The following TPRG1 variants were observed in gnomAD, a reference collection of about 807,000 sequenced individuals.
TPRG1 encodes the protein tumor protein p63 regulated 1, also known as tumor protein p63-regulated gene 1 protein.
In TPRG1, 29 loss-of-function variants were observed where a neutral mutation model predicts 29.3. The observed-to-expected ratio is 0.99, with a 90% CI of 0.74 to 1.35. The LOEUF (loss-of-function observed/expected upper bound fraction) is 1.35. TPRG1 is among the 40% of genes most tolerant of loss of function. The probability of loss-of-function intolerance (pLI) is 0.00; values close to 1 mark genes in which losing one functional copy is unlikely to be tolerated. For missense variants in TPRG1, 327 were observed against 335.0 expected, an observed-to-expected ratio of 0.98 and a Z score of 0.19; for synonymous variants, 130 against 116.8, an observed-to-expected ratio of 1.11 and a Z score of -0.73.
Position 189,077,225 on chromosome 3 carries a change from A to G in TPRG1, c.-462-49832A>G, listed in dbSNP as rs1316620265. On this transcript the variant is annotated intron_variant, in intron 4 of 10. Coordinates refer to the TPRG1 transcript ENST00000433971. ...AAATCCACAAAAGATTTAAACAGCA[A>G]TGTTTATGGTATATTATTAATTCAA... Among the ~76,000 whole-genome samples, 3 of 152,278 alleles carry G rather than the reference A, an allele frequency of 2.0e-5. No homozygotes were observed. The East Asian group carries it at 5.8e-4, about 29-fold the overall frequency.
chr3:189,245,513 A>G (rs1362755798), intron 4 of TPRG1, among the ~76,000 whole-genome samples: 17 of 152,090 alleles, frequency 1.1e-4, no homozygotes, highest in Non-Finnish European at 4.4e-5. Context: ...TCAGGTTTTT[A>G]TAGATATCTT....
chr3:189,019,361 C>T (rs1053227436), intron 3 of TPRG1, among the ~76,000 whole-genome samples: 48 of 152,176 alleles, frequency 3.2e-4, no homozygotes, highest in African/African-American at 9.4e-4. Context: ...TGATATTGGC[C>T]GTGGGTTTGT....
chr3:189,182,319 C>T (rs1730334075), intron 1 of TPRG1, among the ~76,000 whole-genome samples: 2 of 152,132 alleles, frequency 1.3e-5, no homozygotes, highest in Non-Finnish European at 2.9e-5. Context: ...AGCAGTAAGT[C>T]AAAGAAGATG....
intron 4 of TPRG1, among the ~76,000 whole-genome samples, chr3:189,029,115 A>G (rs553645506): frequency 3.3e-4 from 50 of 152,158 alleles, no homozygotes; most frequent in Non-Finnish European, 7.1e-4. Context: ...ATAAAAATTG[A>G]GCCTTTTTTT....
intron 3 of TPRG1, among the ~76,000 whole-genome samples, chr3:189,145,926 T>C (rs542051294): frequency 6.6e-6 from 1 of 152,352 alleles, no homozygotes; most frequent in African/African-American, 2.4e-5. Context: ...TATATTGATA[T>C]TATATGTGTC....
At chr3:189,110,598 G>A (rs550999171) in intron 1 of TPRG1, among the ~76,000 whole-genome samples, 1 of 152,054 alleles carries the variant, frequency 6.6e-6, no homozygotes, top group Admixed American at 6.6e-5. Flanking sequence ...TCCTATCTAA[G>A]AACTCTTTGC....
intron 1 of TPRG1, among the ~76,000 whole-genome samples, chr3:189,183,530 G>C (rs998276216): frequency 1.3e-5 from 2 of 152,014 alleles, no homozygotes; most frequent in Admixed American, 1.3e-4. Context: ...TGGGAGACTG[G>C]GGTTTCTTTC....
chr3:189,008,004 A>G (rs1712389198), intron 3 of TPRG1, among the ~76,000 whole-genome samples: 1 of 151,132 alleles, frequency 6.6e-6, no homozygotes, highest in African/African-American at 2.4e-5. Flanking sequence ...ATATGTAACT[A>G]ACCTGCACAA....
At chr3:189,301,428 T>C (rs1218673695) in intron 4 of TPRG1, among the ~76,000 whole-genome samples, 4 of 152,130 alleles carry the variant, frequency 2.6e-5, no homozygotes, top group African/African-American at 9.7e-5. Flanking sequence ...CTTTATAGTA[T>C]GTTTTTGAGA....
intron 3 of TPRG1, among the ~76,000 whole-genome samples, chr3:189,007,482 A>G (rs920408166): frequency 1.3e-5 from 2 of 151,744 alleles, no homozygotes; most frequent in Non-Finnish European, 2.9e-5. Context: ...TGTGGAAGTC[A>G]GTGTGGCGAT....
intron 4 of TPRG1, among the ~76,000 whole-genome samples, chr3:189,085,866 A>C (rs1717902042): frequency 6.6e-6 from 1 of 152,112 alleles, no homozygotes; most frequent in South Asian, 2.1e-4. Context: ...CAATAAAATA[A>C]GAGTCATAAA....
At chr3:189,319,578 A>G (rs1015297974) in intron 5 of TPRG1, among the ~76,000 whole-genome samples, 1 of 152,076 alleles carries the variant, frequency 6.6e-6, no homozygotes, top group South Asian at 2.1e-4. Context: ...CTACTGCTAC[A>G]CTGTCCAAGC....
chr3:189,113,993 G>A (rs565174770), intron 1 of TPRG1, among the ~76,000 whole-genome samples: 1 of 152,134 alleles, frequency 6.6e-6, no homozygotes, highest in South Asian at 2.1e-4. Context: ...TGTAGAATTG[G>A]TATTATTTCT....
chr3:189,238,510 C>T (rs1428716687), intron 3 of TPRG1, among the ~76,000 whole-genome samples: 1 of 152,138 alleles, frequency 6.6e-6, no homozygotes, highest in African/African-American at 2.4e-5. Flanking sequence ...TCTTTGAGTT[C>T]TGGGATGATA....
chr3:189,190,775 A>G (rs932928579), intron 1 of TPRG1, among the ~76,000 whole-genome samples: 2 of 152,218 alleles, frequency 1.3e-5, no homozygotes, highest in Non-Finnish European at 2.9e-5. Flanking sequence ...ATACATGTAC[A>G]TTTAATATAT....
chr3:189,036,445 C>T (rs1356348476), intron 4 of TPRG1, among the ~76,000 whole-genome samples: 1 of 151,914 alleles, frequency 6.6e-6, no homozygotes, highest in Admixed American at 6.6e-5. Flanking sequence ...TTACAAAACC[C>T]CACTAATGTG....
intron 5 of TPRG1, among the ~76,000 whole-genome samples, chr3:189,160,391 T>A (rs1727312963): frequency 6.6e-6 from 1 of 152,218 alleles, no homozygotes; most frequent in African/African-American, 2.4e-5. Context: ...AGTAAATCCC[T>A]CCTCCACTTT....
At chr3:189,146,294 C>A (rs1167834990) in intron 3 of TPRG1, among the ~76,000 whole-genome samples, 2 of 152,162 alleles carry the variant, frequency 1.3e-5, no homozygotes, top group African/African-American at 4.8e-5. Context: ...GATGTGACCT[C>A]CACCTTCAGT....
At chr3:189,146,987 C>T (rs1178779315) in intron 3 of TPRG1, among the ~76,000 whole-genome samples, 4 of 152,196 alleles carry the variant, frequency 2.6e-5, no homozygotes, top group Admixed American at 6.5e-5. Flanking sequence ...TGCACAGCGT[C>T]CCCTCTGGGG....
Sources: allele counts gnomAD v4.1 joint callset (sites outside exome capture counted in the v4.1 genomes callset), GRCh38; gene constraint gnomAD v4.1.1; transcripts MANE v1.5; gene names NCBI Gene and HGNC (gene_info 2026-07-23, HGNC 2026-07-21).